MAP3K1: variants seen among roughly 807,000 people sequenced by gnomAD.
MAP3K1 encodes the protein MAP/ERK kinase kinase 1.
In MAP3K1, 36 loss-of-function variants were observed where a neutral mutation model predicts 144.2. The ratio of observed to expected loss-of-function variants is 0.25; its 90% CI spans 0.19 to 0.33. The LOEUF is 0.33. Among genes scored for constraint, MAP3K1 ranks in the 10% least tolerant of loss-of-function variants. The pLI is 1.00. For synonymous variants in MAP3K1, 718 were observed against 688.7 expected (o/e 1.04, Z -0.67); for missense variants, 1,650 against 1,881.9 (o/e 0.88, Z 2.28).
At chr5:56,840,912 G>A (rs1232208918) in intron 1 of MAP3K1, among the ~76,000 whole-genome samples, 1 of 138,688 alleles carries the variant, frequency 7.2e-6, no homozygotes. Flanking sequence ...TGTTCTGTCT[G>A]TCACCCAGGC....
rs1390320722 is a variant in MAP3K1 at position 56,872,739 on chromosome 5, G to T, written c.1505+17G>T. ...TTTCTACAGGTAATAATTTTGAAATGATACGGATATGTTTAATTTTTAAAA... is the reference window on the plus strand; with the variant it reads ...TTTCTACAGGTAATAATTTTGAAATTATACGGATATGTTTAATTTTTAAAA... On this transcript the variant is annotated intron_variant, in intron 8 of 19. Coordinates refer to ENST00000399503, the MANE Select transcript of MAP3K1 (RefSeq NM_005921.2). 1 of 1,592,416 alleles carries T rather than the reference G, an allele frequency of 6.3e-7. No homozygotes were observed. Among genetic ancestry groups the T allele is most frequent in the East Asian group, 2.2e-5 (1 of 44,718 alleles).
intron 1 of MAP3K1, among the ~76,000 whole-genome samples, chr5:56,830,015 A>G (rs1364427114): frequency 6.6e-6 from 1 of 152,204 alleles, no homozygotes; most frequent in African/African-American, 2.4e-5. Context: ...ATTAAAGAGA[A>G]AAGGTTTATG....
chr5:56,875,015 G>A lies in MAP3K1; in HGVS notation c.1687-17G>A, dbSNP rs767125227. ...AGCTTTTCTTTACATTGAATTCATC[G>A]TGTGTGTTTGATACAGGTGTTTGGA... On this transcript the variant is annotated splice_polypyrimidine_tract_variant and intron_variant, in intron 9 of 19. Coordinates refer to ENST00000399503, the MANE Select transcript of MAP3K1 (RefSeq NM_005921.2). 5 of 1,613,816 alleles carry A rather than the reference G, an allele frequency of 3.1e-6. No individual in the cohort carries two copies. The highest frequency in any genetic ancestry group is 4.2e-6 in the Non-Finnish European group (5 of 1,179,722).
In MAP3K1 at chr5:56,859,626, CATT is replaced by C. The variant is rs771579383; in HGVS notation, c.634-87_634-85del. On this transcript the variant is annotated intron_variant, in intron 2 of 19. Coordinates refer to ENST00000399503, the MANE Select transcript of MAP3K1 (RefSeq NM_005921.2). ...GGTATAATATTTCATAACAAAAACT[CATT>C]AAGTGTATTTCCTAGTCTATGATAT... The C allele has an allele frequency of 8.9e-5, 82 of 919,276 alleles. No individual in the cohort carries two copies. In the Middle Eastern group the frequency reaches 2.6e-3, roughly 29 times the overall value. The allele number at this position is 919,276 out of a possible 1,614,324, so 56.9% of individuals were successfully genotyped here. A position where few individuals can be genotyped will look rare whatever the true frequency, so the allele number is the denominator to read the frequency against.
Position 56,894,943 on chromosome 5 carries a change from A to C in MAP3K1, c.*1263A>C, listed in dbSNP as rs576661239. On this transcript the variant is annotated 3_prime_UTR_variant, in exon 20 of 20. Transcript: ENST00000399503. ...TTAGTCTGGAGTTAAATTCAGATGC[A>C]TGGAATCCTGAAGGAAAATGGTAGC... The C allele has an allele frequency of 1.2e-3, 288 of 232,026 alleles. No homozygotes were observed. The highest frequency in any genetic ancestry group is 7.8e-3 in the Middle Eastern group (6 of 774). 14.4% of individuals were successfully genotyped at this position (232,026 alleles called of 1,614,324 possible).
intron 1 of MAP3K1, among the ~76,000 whole-genome samples, chr5:56,840,195 C>T (rs924736923): frequency 3.9e-5 from 6 of 152,010 alleles, no homozygotes; most frequent in African/African-American, 1.4e-4. Context: ...TCACCCAGGC[C>T]GGAGTACAGT....
At chr5:56,851,802 T>C (rs1747181802) in intron 1 of MAP3K1, among the ~76,000 whole-genome samples, 2 of 152,152 alleles carry the variant, frequency 1.3e-5, no homozygotes, top group Non-Finnish European at 2.9e-5. Flanking sequence ...ACCTTAAGCA[T>C]TAGCCACCAC....
In MAP3K1 at chr5:56,894,067, C is replaced by A. The variant is rs1748630782; in HGVS notation, c.*387C>A. ...TTATTCTTCCATTTCATATAGTGAT[C>A]ACAAGCAGGGGGTTCTGCAATTCCG... is the stretch of plus-strand genomic sequence containing the variant. On this transcript the variant is annotated 3_prime_UTR_variant, in exon 20 of 20. Coordinates refer to ENST00000399503, the MANE Select transcript of MAP3K1 (RefSeq NM_005921.2). The A allele has an allele frequency of 2.8e-6, 1 of 352,032 alleles. No homozygotes were observed. The highest frequency in any genetic ancestry group is 4.4e-5 in the Admixed American group (1 of 22,852). The allele number at this position is 352,032 out of a possible 1,614,324, so 21.8% of individuals were successfully genotyped here.
chr5:56,895,235 AT>A lies in MAP3K1; in HGVS notation c.*1556del, dbSNP rs1748668946. 3 of 232,246 alleles carry A rather than the reference AT, an allele frequency of 1.3e-5. No homozygotes were observed. Among genetic ancestry groups the A allele is most frequent in the African/African-American group, 6.6e-5 (3 of 45,424 alleles). The allele number at this position is 232,246 out of a possible 1,614,324, so 14.4% of individuals were successfully genotyped here. A position where few individuals can be genotyped will look rare whatever the true frequency, so the allele number is the denominator to read the frequency against. ...AAAAGGCAGTTTGTTTTTTATGTGA[AT>A]ATGTTTCTTAGTGAAATTTTACATT... On this transcript the variant is annotated 3_prime_UTR_variant, in exon 20 of 20. Transcript: ENST00000399503.
chr5:56,818,897 C>T (rs1746067383), intron 1 of MAP3K1, among the ~76,000 whole-genome samples: 1 of 152,114 alleles, frequency 6.6e-6, no homozygotes, highest in Non-Finnish European at 1.5e-5. Flanking sequence ...GATTTCACTT[C>T]CTTTTTAAAG....
At position 56,815,970 on chromosome 5, in the gene MAP3K1, A is replaced by C; in HGVS notation, c.397A>C (p.Ser133Arg). 1.6e-6 allele frequency: 2 copies of C among 1,254,968 alleles called. No homozygotes were observed. Among genetic ancestry groups the C allele is most frequent in the East Asian group, 3.3e-5 (1 of 30,148 alleles). The allele number at this position is 1,254,968 out of a possible 1,614,324, so 77.7% of individuals were successfully genotyped here. ...HLTESVAAPD[S>R]GASSPAAAEP... ...TACCGAGTCGGTGGCGGCGCCGGAC[A>C]GCGGCGCCTCGAGTCCCGCAGCGGC... Residue 133 changes from serine (S) to arginine (R), a missense_variant, in exon 1 of 20, where the codon AGC (serine) becomes CGC (arginine). Physicochemically the swap from Ser to Arg is moderately radical, Grantham distance 110 (BLOSUM62 -1). This residue lies in a region of MAP3K1 where 360 missense variants were observed against 274.7 expected (regional missense o/e 1.31). Coordinates refer to ENST00000399503, the MANE Select transcript of MAP3K1 (RefSeq NM_005921.2).
chr5:56,864,151 A>C (rs1192458851), intron 3 of MAP3K1, among the ~76,000 whole-genome samples: 1 of 152,122 alleles, frequency 6.6e-6, no homozygotes. Context: ...GTTTCAAAGA[A>C]CTCAAATGTT....
At position 56,875,163 on chromosome 5, in the gene MAP3K1, T is replaced by C. The variant is rs368969543; in HGVS notation, c.1818T>C (p.Ser606=). ...CAAATGGGGAGAGCACTGGAAATTC[T>C]GGGGGCAGCAGTGGAAGCAGCCCGA... ...LLANGESTGN[S]GGSSGSSPSG... Residue 606 remains serine, a synonymous_variant, in exon 10 of 20, where the codon TCT becomes TCC. Coordinates refer to ENST00000399503, the MANE Select transcript of MAP3K1 (RefSeq NM_005921.2). 6.2e-7 allele frequency: 1 copy of C among 1,614,180 alleles called. No individual in the cohort carries two copies. Among genetic ancestry groups the C allele is most frequent in the East Asian group, 2.2e-5 (1 of 44,870 alleles).
intron 6 of MAP3K1, among the ~76,000 whole-genome samples, chr5:56,868,958 A>C (rs1282239880): frequency 1.3e-5 from 2 of 152,204 alleles, no homozygotes; most frequent in Non-Finnish European, 1.5e-5. Flanking sequence ...AGTCACAAAA[A>C]GACAAATATT....
intron 9 of MAP3K1, among the ~76,000 whole-genome samples, chr5:56,873,223 C>T (rs1193219600): frequency 6.6e-6 from 1 of 152,190 alleles, no homozygotes; most frequent in African/African-American, 2.4e-5. Context: ...TTTCACTTCA[C>T]ATATCTAGAA....
At chr5:56,860,964 A>G (rs780051896) in intron 3 of MAP3K1, among the ~76,000 whole-genome samples, 2 of 152,230 alleles carry the variant, frequency 1.3e-5, no homozygotes, top group Non-Finnish European at 2.9e-5. Context: ...CACCACTATG[A>G]GCTTGACAGC....
intron 3 of MAP3K1, among the ~76,000 whole-genome samples, chr5:56,862,827 G>T (rs1397710608): frequency 6.6e-6 from 1 of 151,984 alleles, no homozygotes; most frequent in African/African-American, 2.4e-5. Flanking sequence ...TTATTGATGT[G>T]TAATTCATCT....
intron 1 of MAP3K1, among the ~76,000 whole-genome samples, chr5:56,848,864 TTG>T (rs1747079228): frequency 6.6e-6 from 1 of 152,164 alleles, no homozygotes; most frequent in Non-Finnish European, 1.5e-5. Context: ...TTATAATTAG[TTG>T]TGTTATTGTC....
intron 1 of MAP3K1, among the ~76,000 whole-genome samples, chr5:56,849,399 G>A (rs1326833887): frequency 1.3e-5 from 2 of 151,864 alleles, no homozygotes; most frequent in South Asian, 2.1e-4. Flanking sequence ...GCTAAAGAGA[G>A]GATATTTACC....
Sources: allele counts gnomAD v4.1 joint callset (sites outside exome capture counted in the v4.1 genomes callset), GRCh38; gene constraint gnomAD v4.1.1; regional missense constraint gnomAD v4.1.1; transcripts MANE v1.5; gene names NCBI Gene and HGNC (gene_info 2026-07-23, HGNC 2026-07-21).